The following RSPH14 variants were observed in gnomAD, a reference collection of about 807,000 sequenced individuals.
RSPH14 encodes rhabdoid tumor deletion region gene 1.
RSPH14 carries 20 observed loss-of-function variants against 26.7 expected under a neutral mutation model. The observed-to-expected ratio is 0.75, with a 90% CI of 0.53 to 1.09. The LOEUF (loss-of-function observed/expected upper bound fraction) is 1.09, where lower values mean the gene tolerates loss of function less well. Ranked by LOEUF, RSPH14 falls within the 50% of genes least tolerant of loss-of-function variation. The pLI is 0.00. For synonymous variants in RSPH14, 177 were observed against 189.3 expected, an observed-to-expected ratio of 0.93 and a Z score of 0.53; for missense variants, 449 against 457.2, an observed-to-expected ratio of 0.98 and a Z score of 0.16.
chr22:23,108,813 C>G (rs1300255709), intron 4 of RSPH14, among the ~76,000 whole-genome samples: 1 of 152,280 alleles, frequency 6.6e-6, no homozygotes, highest in African/African-American at 2.4e-5. Context: ...CAAGTGTTAG[C>G]ATCCTCTGCC....
chr22:23,066,851 G>A (rs2068223650), intron 4 of RSPH14, among the ~76,000 whole-genome samples: 1 of 152,172 alleles, frequency 6.6e-6, no homozygotes, highest in Admixed American at 6.5e-5. Flanking sequence ...GGCCATCCAT[G>A]GTTTAGAGAC....
intron 4 of RSPH14, among the ~76,000 whole-genome samples, chr22:23,064,340 G>A (rs756193681): frequency 6.6e-6 from 1 of 152,360 alleles, no homozygotes; most frequent in Non-Finnish European, 1.5e-5. Flanking sequence ...CATGTCAGGG[G>A]CTAAGGGCGG....
intron 4 of RSPH14, chr22:23,070,713 C>G (rs567460002): frequency 1.3e-5 from 2 of 152,312 alleles, no homozygotes; most frequent in East Asian, 3.9e-4. Context: ...GTCAGGGATG[C>G]CCCTCAGGGG....
At chr22:23,092,405 A>G (rs1460156068) in intron 4 of RSPH14, among the ~76,000 whole-genome samples, 1 of 151,862 alleles carries the variant, frequency 6.6e-6, no homozygotes, top group Admixed American at 6.6e-5. Context: ...CAAACACAAC[A>G]CAGCCCCACA....
At chr22:23,121,142 G>A (rs1259266791) in intron 4 of RSPH14, among the ~76,000 whole-genome samples, 6 of 152,198 alleles carry the variant, frequency 3.9e-5, no homozygotes, top group Non-Finnish European at 1.5e-5. Context: ...CTGGGGATGA[G>A]ATCTTGTGTG....
At chr22:23,060,829 G>A (rs2068079455) in intron 6 of RSPH14, among the ~76,000 whole-genome samples, 1 of 152,162 alleles carries the variant, frequency 6.6e-6, no homozygotes, top group South Asian at 2.1e-4. Flanking sequence ...ACCCTCAGCT[G>A]GAGTGCCAGC....
chr22:23,132,253 C>T (rs536629681), intron 4 of RSPH14, among the ~76,000 whole-genome samples: 1 of 152,330 alleles, frequency 6.6e-6, no homozygotes, highest in Non-Finnish European at 1.5e-5. Context: ...GCTACAATAT[C>T]TGTTTGTCCA....
chr22:23,062,738 C>T (rs533889702), intron 5 of RSPH14, among the ~76,000 whole-genome samples: 27 of 152,368 alleles, frequency 1.8e-4, no homozygotes, highest in African/African-American at 6.3e-4. Flanking sequence ...CCCCGAAGCC[C>T]ATGATCAAAG....
At chr22:23,175,278 G>A in the RSPH14 span, among the ~76,000 whole-genome samples, 435 of 152,118 alleles carry the variant, frequency 2.9e-3, 3 homozygotes, top group African/African-American at 0.01. Context: ...GATTACAGGC[G>A]TCAGCCACGG....
At chr22:23,161,299 G>A in the RSPH14 span, among the ~76,000 whole-genome samples, 4 of 152,216 alleles carry the variant, frequency 2.6e-5, no homozygotes, top group African/African-American at 7.2e-5. Flanking sequence ...TCCTGGCCCC[G>A]GCTCTCCCAG....
chr22:23,177,733 T>C, the RSPH14 span, among the ~76,000 whole-genome samples: 83 of 152,156 alleles, frequency 5.5e-4, no homozygotes, highest in Non-Finnish European at 1.0e-3. Flanking sequence ...TCTGGACGTG[T>C]CCTTGTGCCT....
intron 2 of RSPH14, 113 bp downstream of exon 2, chr22:23,140,109 A>G: frequency 7.4e-7 from 1 of 1,344,456 alleles, no homozygotes. Context: ...CTATAGTGGA[A>G]CTGGCCTGGA....
chr22:23,157,986 G>A, the RSPH14 span: 3 of 1,614,212 alleles, frequency 1.9e-6, no homozygotes, highest in Non-Finnish European at 2.5e-6. Context: ...TTTTCCGGGT[G>A]TCTAGTGATC....
chr22:23,145,692 G>T, upstream of RSPH14: 1 of 1,076,724 alleles, frequency 9.3e-7, no homozygotes, highest in Non-Finnish European at 1.3e-6. Flanking sequence ...CGGCCCCGGG[G>T]CGTCCTCATT....
At chr22:23,175,787 AGTTCCAG>A in the RSPH14 span, among the ~76,000 whole-genome samples, 3 of 152,164 alleles carry the variant, frequency 2.0e-5, no homozygotes, top group Non-Finnish European at 4.4e-5. Flanking sequence ...TCTGCAGCCA[AGTTCCAG>A]GGCCCACCTC....
chr22:23,133,443 G>A (rs983557141), intron 4 of RSPH14, among the ~76,000 whole-genome samples: 2 of 152,184 alleles, frequency 1.3e-5, no homozygotes, highest in South Asian at 2.1e-4. Flanking sequence ...CATTGGTAAG[G>A]GTAATACCCA....
At chr22:23,156,048 C>A in the RSPH14 span, 1 of 1,606,894 alleles carries the variant, frequency 6.2e-7, no homozygotes, top group South Asian at 1.1e-5. Context: ...CAACATGCCA[C>A]GTCGGGGCTC....
chr22:23,067,190 G>A (rs141887690), intron 4 of RSPH14, among the ~76,000 whole-genome samples: 4 of 152,262 alleles, frequency 2.6e-5, no homozygotes, highest in Non-Finnish European at 5.9e-5. Context: ...ATGGTGTGGA[G>A]CCCCAGTGGT....
At chr22:23,156,097 G>A in the RSPH14 span, 2 of 1,450,268 alleles carry the variant, frequency 1.4e-6, no homozygotes, top group Admixed American at 2.0e-5. Flanking sequence ...GGGCTCCACA[G>A]TGGGAATCCC....
Sources: gnomAD v4.1 joint callset for allele counts (sites outside exome capture counted in the v4.1 genomes callset) on GRCh38, gnomAD v4.1.1 for gene constraint, MANE v1.5 for transcripts, NCBI Gene and HGNC (gene_info 2026-07-23, HGNC 2026-07-21) for gene names.